ZFHX3: variants seen among roughly 807,000 people sequenced by gnomAD.
The protein encoded by ZFHX3 is zinc finger homeobox 3.
Under a neutral mutation model 279.1 loss-of-function variants are expected in ZFHX3, and 42 were observed. The observed-to-expected ratio is 0.15, with a 90% confidence interval of 0.12 to 0.19. The LOEUF (loss-of-function observed/expected upper bound fraction) is 0.19, where lower values mean the gene tolerates loss of function less well. ZFHX3 is among the 10% of genes least tolerant of loss of function. The pLI is 1.00. For missense variants in ZFHX3, 4,981 were observed against 4,754.0 expected (o/e 1.05, Z -1.40); for synonymous variants, 2,293 against 1,957.8 (o/e 1.17, Z -4.52).
At chr16:73,838,821 C>T (rs952858745) in intron 1 of ZFHX3, among the ~76,000 whole-genome samples, 5 of 151,894 alleles carry the variant, frequency 3.3e-5, no homozygotes, top group African/African-American at 4.8e-5. Flanking sequence ...GTGTGTACCG[C>T]TAGGTCAGGA....
chr16:72,908,481 C>T (rs1355667556), intron 3 of ZFHX3, among the ~76,000 whole-genome samples: 1 of 152,220 alleles, frequency 6.6e-6, no homozygotes, highest in African/African-American at 2.4e-5. Context: ...CCCCTGCCAT[C>T]TGATTTCATC....
chr16:73,090,952 C>G lies in ZFHX3; in HGVS notation c.-533+2283G>C, dbSNP rs985000359. ...AAAGGCAAGGCATGGTGGCTCATAC[C>G]TGTAATCCCAGCACTTTGGGAGGCT... On this transcript the variant is annotated intron_variant, in intron 8 of 17. Coordinates refer to the ZFHX3 transcript ENST00000641206. 8.5e-4 allele frequency among the ~76,000 whole-genome samples: 122 copies of G among 142,736 alleles called. 3 individuals carry two copies. Among genetic ancestry groups the G allele is most frequent in the Non-Finnish European group, 1.8e-4 (12 of 67,362 alleles). 93.6% of individuals were successfully genotyped at this position (142,736 alleles called of 152,430 possible).
chr16:73,163,646 T>C (rs543750707), intron 5 of ZFHX3, among the ~76,000 whole-genome samples: 1 of 152,306 alleles, frequency 6.6e-6, no homozygotes, highest in East Asian at 1.9e-4. Flanking sequence ...CAATAGTAAG[T>C]GGACTAACAG....
intron 8 of ZFHX3, among the ~76,000 whole-genome samples, chr16:73,074,219 G>C (rs1965858260): frequency 6.6e-6 from 1 of 152,180 alleles, no homozygotes. Flanking sequence ...CCATCTTTGA[G>C]TCTAGCTGAA....
chr16:73,196,928 G>C (rs1377639696), intron 5 of ZFHX3, among the ~76,000 whole-genome samples: 1 of 152,176 alleles, frequency 6.6e-6, no homozygotes, highest in Non-Finnish European at 1.5e-5. Context: ...GGGCCATGGA[G>C]CTGGGACACT....
At chr16:72,896,690 C>G (rs11648624) in intron 3 of ZFHX3, among the ~76,000 whole-genome samples, 21,071 of 152,186 alleles carry the variant, frequency 0.14, 1,993 homozygotes, top group Non-Finnish European at 0.21. Context: ...GGAAAACTAA[C>G]CAACTTCTGT....
At chr16:73,717,049 T>TA (rs2142233564) in intron 1 of ZFHX3, among the ~76,000 whole-genome samples, 1 of 151,636 alleles carries the variant, frequency 6.6e-6, no homozygotes, top group Admixed American at 6.6e-5. Flanking sequence ...GCAGAAAAAA[T>TA]AAAAGAAGAA....
intron 1 of ZFHX3, among the ~76,000 whole-genome samples, chr16:73,781,859 CAT>C (rs1294334192): frequency 6.6e-6 from 1 of 152,100 alleles, no homozygotes; most frequent in Non-Finnish European, 1.5e-5. Flanking sequence ...TGGTGGTGTG[CAT>C]CTGTAATCCC....
At chr16:73,604,423 A>C (rs2052156492) in intron 2 of ZFHX3, among the ~76,000 whole-genome samples, 1 of 152,174 alleles carries the variant, frequency 6.6e-6, no homozygotes, top group African/African-American at 2.4e-5. Flanking sequence ...CTCATCAGAT[A>C]CGCCTTAGCT....
chr16:72,888,841 T>C (rs1364283796), intron 4 of ZFHX3, among the ~76,000 whole-genome samples: 1 of 152,176 alleles, frequency 6.6e-6, no homozygotes, highest in Non-Finnish European at 1.5e-5. Context: ...AGGTGAGCAG[T>C]TCACAGGGTT....
At position 73,728,725 on chromosome 16, in the gene ZFHX3, G is replaced by A. The variant is rs568703589; in HGVS notation, c.-1607-48485C>T. On this transcript the variant is annotated intron_variant, in intron 1 of 17. Coordinates refer to the ZFHX3 transcript ENST00000641206. The stretch of plus-strand genomic sequence containing the variant: ...AGAATTTTCCGTCTGTATCTAAAAA[G>A]AGCCCCCTGCCTCTGCTTGAAAGTT... 4.6e-5 allele frequency among the ~76,000 whole-genome samples: 7 copies of A among 151,890 alleles called. No individual in the cohort carries two copies. In the East Asian group the frequency reaches 1.2e-3, roughly 25 times the overall value.
chr16:73,640,153 G>A (rs1331186246), intron 2 of ZFHX3, among the ~76,000 whole-genome samples: 3 of 152,142 alleles, frequency 2.0e-5, no homozygotes, highest in Non-Finnish European at 4.4e-5. Context: ...GCCTGCAATG[G>A]AACTGGAGCA....
At chr16:73,375,567 C>T (rs1006017398) in intron 3 of ZFHX3, among the ~76,000 whole-genome samples, 2 of 152,114 alleles carry the variant, frequency 1.3e-5, no homozygotes, top group African/African-American at 2.4e-5. Context: ...ACTATATAGG[C>T]ATTTAGAGAT....
rs868152972 is a variant in ZFHX3, at chr16:72,783,470, C to T, written c.*3694G>A. On this transcript the variant is annotated 3_prime_UTR_variant, in exon 10 of 10. Coordinates refer to ENST00000268489, the MANE Select transcript of ZFHX3 (RefSeq NM_006885.4). ...CACTGGCTTGGGTCACTGCCTCTCT[C>T]TCCTGCAACTTCCTGCCATGCCTGA... 2 of 152,622 alleles carry T rather than the reference C, an allele frequency of 1.3e-5. No individual in the cohort carries two copies. Among genetic ancestry groups the T allele is most frequent in the Admixed American group, 6.5e-5 (1 of 15,280 alleles). 9.5% of individuals were successfully genotyped at this position (152,622 alleles called of 1,614,324 possible).
intron 4 of ZFHX3, among the ~76,000 whole-genome samples, chr16:73,272,832 A>G (rs1050010780): frequency 6.6e-6 from 1 of 152,068 alleles, no homozygotes; most frequent in Non-Finnish European, 1.5e-5. Context: ...CTGCAGCCTT[A>G]ACCTCCTGGG....
At chr16:72,931,821 C>T (rs1959825887) in intron 3 of ZFHX3, among the ~76,000 whole-genome samples, 1 of 152,186 alleles carries the variant, frequency 6.6e-6, no homozygotes, top group African/African-American at 2.4e-5. Context: ...ACTTATGCAA[C>T]GAGGGTATGT....
At chr16:73,476,276 C>G (rs546195062) in intron 2 of ZFHX3, among the ~76,000 whole-genome samples, 50 of 152,090 alleles carry the variant, frequency 3.3e-4, no homozygotes, top group Non-Finnish European at 5.6e-4. Flanking sequence ...GCACTCTATT[C>G]TTTCGAGATT....
At chr16:73,032,217 G>A (rs570206372) in intron 1 of ZFHX3, among the ~76,000 whole-genome samples, 13 of 152,222 alleles carry the variant, frequency 8.5e-5, no homozygotes, top group Non-Finnish European at 1.2e-4. Context: ...TGGGAGGATC[G>A]CTTGAGCCCA....
intron 5 of ZFHX3, among the ~76,000 whole-genome samples, chr16:73,182,722 C>G (rs1191542464): frequency 6.6e-6 from 1 of 152,174 alleles, no homozygotes; most frequent in Non-Finnish European, 1.5e-5. Flanking sequence ...AGAATGAAAT[C>G]ATGTCTTTTG....
Sources: gnomAD v4.1 joint callset for allele counts (sites outside exome capture counted in the v4.1 genomes callset) on GRCh38, gnomAD v4.1.1 for gene constraint, MANE v1.5 for transcripts, NCBI Gene and HGNC (gene_info 2026-07-23, HGNC 2026-07-21) for gene names.